RYR1: variants seen among roughly 807,000 people sequenced by gnomAD.
RYR1 encodes the protein central core disease of muscle.
In RYR1, 342 loss-of-function variants were observed where a neutral mutation model predicts 583.5. The observed-to-expected ratio is 0.59, with a 90% confidence interval of 0.54 to 0.64. The LOEUF is 0.64. Among genes scored for constraint, RYR1 ranks in the 30% least tolerant of loss-of-function variants. The pLI, the probability that RYR1 is intolerant of heterozygous loss-of-function variation, is 0.00. For missense variants in RYR1, 6,032 were observed against 6,917.2 expected (o/e 0.87, Z 4.54); for synonymous variants, 2,791 against 2,822.5 (o/e 0.99, Z 0.35).
intron 93 of RYR1, among the ~76,000 whole-genome samples, chr19:38,570,325 G>A (rs1359080144): frequency 2.0e-5 from 3 of 151,726 alleles, no homozygotes; most frequent in East Asian, 1.9e-4. Flanking sequence ...GGTGGCACAC[G>A]CCTGTAGTCC....
At chr19:38,434,830 G>A (rs996107797) in intron 1 of RYR1, among the ~76,000 whole-genome samples, 1 of 152,092 alleles carries the variant, frequency 6.6e-6, no homozygotes, top group African/African-American at 2.4e-5. Flanking sequence ...CGCTAGCCCC[G>A]CCCCTCCCCC....
chr19:38,504,366 G>A lies in RYR1; in HGVS notation c.8067+6G>A. 6.2e-7 allele frequency: 1 copy of A among 1,612,932 alleles called. No individual in the cohort carries two copies. The highest frequency in any genetic ancestry group is 1.1e-5 in the South Asian group (1 of 91,062). ...TTGACTCTCTGGCCCATAAGGTCTG[G>A]GCAGCAGGGAGCCCCAAAATGGCCT... On this transcript the variant is annotated splice_donor_region_variant and intron_variant, in intron 50 of 105. Transcript: ENST00000359596.
intron 84 of RYR1, among the ~76,000 whole-genome samples, chr19:38,542,958 C>T (rs1399519913): frequency 2.6e-5 from 4 of 152,106 alleles, no homozygotes; most frequent in Middle Eastern, 3.2e-3. Flanking sequence ...TCTCCTGCCT[C>T]AGCCTCCCAA....
Position 38,469,417 on chromosome 19 carries a change from G to A in RYR1, c.3669G>A (p.Glu1223=), listed in dbSNP as rs1555774737. ...FAICGLQEGF[E]PFAINMQRPV... is the part of the protein sequence containing the mutation. ...TCTGTGGCCTCCAGGAAGGCTTCGA[G>A]CCATTTGCCATCAACATGCAGCGCC... The change falls in exon 27 of 106, where the codon GAG becomes GAA. Residue 1223 remains glutamate, a synonymous_variant. Coordinates refer to ENST00000359596, the MANE Select transcript of RYR1 (RefSeq NM_000540.3). 1.2e-6 allele frequency: 2 copies of A among 1,614,122 alleles called. No homozygotes were observed. The highest frequency in any genetic ancestry group is 1.7e-6 in the Non-Finnish European group (2 of 1,180,036).
intron 34 of RYR1, 35 bp downstream of exon 34, chr19:38,486,237 C>T (rs756373298): frequency 3.1e-6 from 5 of 1,612,348 alleles, no homozygotes; most frequent in Non-Finnish European, 3.4e-6. Context: ...CTGTCCCATT[C>T]TTCTCCCACA....
intron 1 of RYR1, among the ~76,000 whole-genome samples, chr19:38,439,418 C>T (rs1340614243): frequency 1.3e-5 from 2 of 152,116 alleles, no homozygotes; most frequent in African/African-American, 4.8e-5. Flanking sequence ...AGGCTGGTCT[C>T]GAACTTCTGA....
intron 48 of RYR1, 32 bp downstream of exon 48, chr19:38,502,759 G>GGGCAGGGGCAGA: frequency 1.7e-6 from 1 of 586,626 alleles, no homozygotes; most frequent in Admixed American, 3.3e-5. Context: ...GGTGGGGCAG[G>GGGCAGGGGCAGA]GGCAGGGGCA....
At chr19:38,558,288 G>A (rs1972967928) in intron 89 of RYR1, among the ~76,000 whole-genome samples, 1 of 152,148 alleles carries the variant, frequency 6.6e-6, no homozygotes, top group South Asian at 2.1e-4. Context: ...TCCAGCCTAG[G>A]TAGTAGAGAC....
chr19:38,491,406 C>G (rs1179897156), intron 37 of RYR1, among the ~76,000 whole-genome samples: 1 of 151,100 alleles, frequency 6.6e-6, no homozygotes, highest in African/African-American at 2.4e-5. Context: ...TGGCATCCCA[C>G]AGGTCTCTGA....
chr19:38,548,456 G>A (rs567081723), intron 89 of RYR1, 36 bp downstream of exon 89: 1 of 1,605,090 alleles, frequency 6.2e-7, no homozygotes, highest in South Asian at 1.1e-5. Flanking sequence ...CAGGACTTGG[G>A]TGGGGTTGCC....
At chr19:38,542,883 C>G (rs1972260360) in intron 84 of RYR1, among the ~76,000 whole-genome samples, 1 of 150,964 alleles carries the variant, frequency 6.6e-6, no homozygotes, top group Non-Finnish European at 1.5e-5. Context: ...ATCTTGTTGC[C>G]CAGGCTGGAC....
At chr19:38,534,955 G>T (rs908725032) in intron 79 of RYR1, 136 bp downstream of exon 79, 2 of 1,116,286 alleles carry the variant, frequency 1.8e-6, no homozygotes, top group Non-Finnish European at 2.6e-6. Context: ...AGCCCTTGCA[G>T]CTTCCCCTTG....
intron 68 of RYR1, 49 bp downstream of exon 68, chr19:38,523,164 C>A (rs765978705): frequency 6.2e-7 from 1 of 1,614,012 alleles, no homozygotes; most frequent in South Asian, 1.1e-5. Context: ...GAGCCGCAGC[C>A]CACAGGCGCC....
chr19:38,452,366 AG>A (rs1967121352), intron 12 of RYR1, among the ~76,000 whole-genome samples: 1 of 152,030 alleles, frequency 6.6e-6, no homozygotes, highest in African/African-American at 2.4e-5. Context: ...GCTTGAGCCG[AG>A]GGGGCAGAGG....
At chr19:38,442,301 G>A (rs754367900) in intron 2 of RYR1, 48 bp from the exon 3 acceptor site, 2 of 1,260,350 alleles carry the variant, frequency 1.6e-6, no homozygotes, top group Non-Finnish European at 2.3e-6. Context: ...ATGTTGCTGG[G>A]GTGGGGGGGT....
intron 87 of RYR1, among the ~76,000 whole-genome samples, chr19:38,545,968 T>G (rs1425695008): frequency 6.6e-6 from 1 of 152,144 alleles, no homozygotes; most frequent in African/African-American, 2.4e-5. Context: ...CGCAGACGGC[T>G]TACCAGAAAG....
Position 38,444,439 on chromosome 19 carries a change from A to G in RYR1, c.538-145A>G. Reference sequence around the variant, plus strand: ...TTCTGACCTCCCATTGCCCGACTTGATCATTTCCTGATCTGTGATCTCTGA... The same window carrying G: ...TTCTGACCTCCCATTGCCCGACTTGGTCATTTCCTGATCTGTGATCTCTGA... On this transcript the variant is annotated intron_variant, in intron 6 of 105. Transcript: ENST00000359596. The surrounding 1 kb of genome is among the most constrained non-coding windows in gnomAD (Gnocchi z 5.1). 1.2e-6 allele frequency: 1 copy of G among 858,314 alleles called. No homozygotes were observed. Among genetic ancestry groups the G allele is most frequent in the East Asian group, 2.7e-5 (1 of 37,696 alleles). The allele number at this position is 858,314 out of a possible 1,614,324, so 53.2% of individuals were successfully genotyped here.
At position 38,536,052 on chromosome 19, in the gene RYR1, G is replaced by T. The variant is rs1568550299; in HGVS notation, c.11572G>T (p.Val3858Leu). 1.2e-6 allele frequency: 2 copies of T among 1,613,394 alleles called. No individual in the cohort carries two copies. The highest frequency in any genetic ancestry group is 1.7e-6 in the Non-Finnish European group (2 of 1,179,970). ...GAACAAGGCCGAGGGGCTGGGCATGGTGAATGAGGATGGCACTGGTGAGGC... is the reference window on the plus strand; with the variant it reads ...GAACAAGGCCGAGGGGCTGGGCATGTTGAATGAGGATGGCACTGGTGAGGC... ...RQNKAEGLGM[V>L]NEDGTVINRQ... is the part of the protein sequence containing the mutation. Residue 3858 changes from valine to leucine, a missense_variant, in exon 82 of 106, where the codon GTG (valine) becomes TTG (leucine). Transcript: ENST00000359596.
chr19:38,467,120 C>A (rs1179612812), intron 24 of RYR1, among the ~76,000 whole-genome samples: 1 of 152,130 alleles, frequency 6.6e-6, no homozygotes, highest in Non-Finnish European at 1.5e-5. Flanking sequence ...CTACCCCTAA[C>A]CTGACTCCTG....
Sources: allele counts gnomAD v4.1 joint callset (sites outside exome capture counted in the v4.1 genomes callset), GRCh38; gene constraint gnomAD v4.1.1; non-coding constraint Gnocchi (gnomAD v3.1); transcripts MANE v1.5; gene names NCBI Gene and HGNC (gene_info 2026-07-23, HGNC 2026-07-21).